ASB16: variants seen among roughly 807,000 people sequenced by gnomAD.
ASB16 encodes ankyrin repeat and SOCS box protein 16.
Under a neutral mutation model 39.1 loss-of-function variants are expected in ASB16, and 44 were observed. The ratio of observed to expected loss-of-function variants is 1.13; its 90% CI spans 0.88 to 1.45. ASB16 has a LOEUF of 1.45. Among genes scored for constraint, ASB16 ranks in the 40% most tolerant of loss-of-function variants. The pLI is 0.00. For missense variants in ASB16, 698 were observed against 634.5 expected (o/e 1.10, Z -1.07); for synonymous variants, 305 against 286.7 (o/e 1.06, Z -0.64).
chr17:44,172,065 C>T lies in ASB16; in HGVS notation c.321C>T (p.Pro107=), dbSNP rs771519704. 6.2e-7 allele frequency: 1 copy of T among 1,612,336 alleles called. No homozygotes were observed. The highest frequency in any genetic ancestry group is 1.1e-5 in the South Asian group (1 of 91,052). The stretch of plus-strand genomic sequence containing the variant: ...CCCTAGGGTTCTGGGTGCTGACCCC[C>T]AAGACCAAGCAGACGGCACCCCTCG... ...SAEQGFWVLT[P]KTKQTAPLAI... Residue 107 remains proline, a synonymous_variant, in exon 2 of 5, where the codon CCC becomes CCT. Transcript: ENST00000293414.
In ASB16 at chr17:44,178,387, G is replaced by A; in HGVS notation, c.1359G>A (p.Gln453=). 1 of 1,593,100 alleles carries A rather than the reference G, an allele frequency of 6.3e-7. No homozygotes were observed. The highest frequency in any genetic ancestry group is 8.6e-7 in the Non-Finnish European group (1 of 1,167,890). Residue 453 remains glutamine (Q), a synonymous_variant, in exon 5 of 5, where the codon CAG becomes CAA. Transcript: ENST00000293414. ...YLLLRVEGCI[Q] is the part of the protein sequence containing the mutation. ...TGCTGCGTGTGGAGGGGTGCATCCA[G>A]TGAACCCCATGTCAGGCTGTCCCAT... is the stretch of plus-strand genomic sequence containing the variant.
rs150509579 is a variant in ASB16, at chr17:44,172,090, G to A, written c.346G>A (p.Ala116Thr). The A allele has an allele frequency of 4.3e-5, 69 of 1,611,574 alleles. No homozygotes were observed. Among genetic ancestry groups the A allele is most frequent in the South Asian group, 1.9e-4 (17 of 91,042 alleles). Residue 116 changes from alanine (A) to threonine (T), a missense_variant, in exon 2 of 5, where the codon GCC becomes ACC. Transcript: ENST00000293414. ...TPKTKQTAPL[A>T]IATARGYTDC... The stretch of plus-strand genomic sequence containing the variant: ...CAAGACCAAGCAGACGGCACCCCTC[G>A]CCATCGCTACAGCCCGAGGCTACAC...
intron 2 of ASB16, among the ~76,000 whole-genome samples, chr17:44,175,064 T>C (rs1435163006): frequency 6.9e-6 from 1 of 144,948 alleles, no homozygotes; most frequent in Non-Finnish European, 1.5e-5. Flanking sequence ...ATGGAGCTAC[T>C]GCACTCCAGC....
chr17:44,178,716 G>A lies in ASB16; in HGVS notation c.*326G>A, dbSNP rs2054336777. ...CACACTGACCTCAGGTGATCCACCC[G>A]CCTTGGCCTCCCAAAGTGTTGGGAT... is the stretch of plus-strand genomic sequence containing the variant. On this transcript the variant is annotated 3_prime_UTR_variant, in exon 5 of 5. Coordinates refer to ENST00000293414, the MANE Select transcript of ASB16 (RefSeq NM_080863.5). 2 of 325,700 alleles carry A rather than the reference G, an allele frequency of 6.1e-6. No individual in the cohort carries two copies. Among genetic ancestry groups the A allele is most frequent in the South Asian group, 6.4e-5 (2 of 31,010 alleles). 20.2% of individuals were successfully genotyped at this position (325,700 alleles called of 1,614,324 possible).
rs536007274 is a variant in ASB16, at chr17:44,178,728, C to T, written c.*338C>T. On this transcript the variant is annotated 3_prime_UTR_variant, in exon 5 of 5. Transcript: ENST00000293414. ...AGGTGATCCACCCGCCTTGGCCTCCCAAAGTGTTGGGATTACAGGCATGAG... is the reference window on the plus strand; with the variant it reads ...AGGTGATCCACCCGCCTTGGCCTCCTAAAGTGTTGGGATTACAGGCATGAG... 1.3e-3 allele frequency: 413 copies of T among 312,218 alleles called. 6 individuals carry two copies. The highest frequency in any genetic ancestry group is 8.0e-3 in the African/African-American group (363 of 45,412). 19.3% of individuals were successfully genotyped at this position (312,218 alleles called of 1,614,324 possible).
At chr17:44,175,399 C>CT in intron 2 of ASB16, among the ~76,000 whole-genome samples, 1 of 53,840 alleles carries the variant, frequency 1.9e-5, no homozygotes, top group South Asian at 6.3e-4. Context: ...GAGACTCCAT[C>CT]TAAAAAAAAA....
At chr17:44,175,459 C>T (rs1047026063) in intron 2 of ASB16, among the ~76,000 whole-genome samples, 4 of 137,504 alleles carry the variant, frequency 2.9e-5, no homozygotes, top group African/African-American at 1.1e-4. Flanking sequence ...ATTAGCCCCA[C>T]AATTAGAATT....
intron 2 of ASB16, among the ~76,000 whole-genome samples, chr17:44,172,660 C>G (rs990832018): frequency 2.6e-5 from 4 of 151,960 alleles, no homozygotes; most frequent in Non-Finnish European, 5.9e-5. Context: ...AAGTCTTGCT[C>G]TGTTGCCCAG....
chr17:44,178,080 G>A, intron 4 of ASB16, 125 bp from the exon 5 acceptor site: 1 of 991,186 alleles, frequency 1.0e-6, no homozygotes, highest in East Asian at 2.5e-5. Context: ...TTCTGAATCT[G>A]AGTCCTTTGA....
At chr17:44,173,674 A>G (rs1325713699) in intron 2 of ASB16, among the ~76,000 whole-genome samples, 1 of 151,894 alleles carries the variant, frequency 6.6e-6, no homozygotes, top group African/African-American at 2.4e-5. Flanking sequence ...CAAAAAATAA[A>G]ATTAGCCGGG....
chr17:44,174,786 C>T (rs943369420), intron 2 of ASB16, among the ~76,000 whole-genome samples: 5 of 152,118 alleles, frequency 3.3e-5, no homozygotes, highest in Admixed American at 6.5e-5. Flanking sequence ...CCCTACTGAG[C>T]GAGCTTTGGA....
At chr17:44,177,769 G>C (rs752404314) in intron 4 of ASB16, 47 bp downstream of exon 4, 3 of 1,601,444 alleles carry the variant, frequency 1.9e-6, no homozygotes, top group African/African-American at 1.3e-5. Flanking sequence ...CGAGCCACAG[G>C]CCTATTCCTT....
chr17:44,172,592 A>C (rs1461246197), intron 2 of ASB16, among the ~76,000 whole-genome samples: 2 of 152,060 alleles, frequency 1.3e-5, no homozygotes, highest in African/African-American at 4.8e-5. Flanking sequence ...TGCAGTCTCC[A>C]ATACCCTGTG....
rs775918008 is a variant in ASB16, at chr17:44,170,926, G to A, written c.137G>A (p.Arg46Gln). 89 of 1,612,976 alleles carry A rather than the reference G, an allele frequency of 5.5e-5. No homozygotes were observed. Among genetic ancestry groups the A allele is most frequent in the Non-Finnish European group, 7.0e-5 (83 of 1,179,886 alleles). Reference sequence around the variant, plus strand: ...AGCCGCAGGTGCCCGTCAAGTCCCCGGGCCCGACTCACTAGGCCTCACCGT... The same window carrying A: ...AGCCGCAGGTGCCCGTCAAGTCCCCAGGCCCGACTCACTAGGCCTCACCGT... ...CRSRRCPSSP[R>Q]ARLTRPHRSC... Residue 46 changes from arginine to glutamine, a missense_variant, in exon 1 of 5, where the codon CGG (arginine) becomes CAG (glutamine). Physicochemically the swap from Arg to Gln is conservative, Grantham distance 43. Coordinates refer to ENST00000293414, the MANE Select transcript of ASB16 (RefSeq NM_080863.5).
In ASB16 at chr17:44,172,263, TGAG is replaced by T; in HGVS notation, c.524_526del (p.Glu175del). On this transcript the variant is annotated inframe_deletion, in exon 2 of 5. Coordinates refer to ENST00000293414, the MANE Select transcript of ASB16 (RefSeq NM_080863.5). Reference sequence around the variant, plus strand: ...TCGGAGCCAAGGCTAATGTGCTGACTGAGGAGGGCACGACTCCTTTGCACCTCT... The same window carrying T: ...TCGGAGCCAAGGCTAATGTGCTGACTGAGGGCACGACTCCTTTGCACCTCT... 1 of 1,613,768 alleles carries T rather than the reference TGAG, an allele frequency of 6.2e-7. No individual in the cohort carries two copies.
intron 4 of ASB16, 159 bp from the exon 5 acceptor site, chr17:44,178,046 A>G: frequency 1.3e-6 from 1 of 769,518 alleles, no homozygotes; most frequent in East Asian, 2.7e-5. Flanking sequence ...CCCAGCCCGC[A>G]TTATCACTGC....
At chr17:44,177,400 C>T in intron 3 of ASB16, 170 bp downstream of exon 3, 1 of 1,191,186 alleles carries the variant, frequency 8.4e-7, no homozygotes, top group South Asian at 1.6e-5. Context: ...GAGAGAGAGT[C>T]CAAGGGAGGG....
At chr17:44,176,510 C>A in intron 2 of ASB16, 3 of 667,582 alleles carry the variant, frequency 4.5e-6, no homozygotes, top group Non-Finnish European at 7.9e-6. Context: ...CTTGGCTGCA[C>A]AAATCACTCC....
Position 44,176,991 on chromosome 17 carries a change from G to A in ASB16, c.823G>A (p.Ala275Thr), listed in dbSNP as rs1439130586. The change falls in exon 3 of 5, where the codon GCT (alanine) becomes ACT (threonine). Residue 275 changes from alanine (A) to threonine (T), a missense_variant. Coordinates refer to ENST00000293414, the MANE Select transcript of ASB16 (RefSeq NM_080863.5). ...GGCGCGCCGGCTCCTGGAGGCTGGA[G>A]CTGATGCCCGGGCGGCCGGGCGCAA... ...AAARRLLEAG[A>T]DARAAGRKRH... 1.8e-5 allele frequency: 27 copies of A among 1,491,024 alleles called. No homozygotes were observed. Among genetic ancestry groups the A allele is most frequent in the African/African-American group, 2.9e-5 (2 of 67,946 alleles). 92.4% of individuals were successfully genotyped at this position (1,491,024 alleles called of 1,614,324 possible). A position where few individuals can be genotyped will look rare whatever the true frequency, so the allele number is the denominator to read the frequency against.
Sources: gnomAD v4.1 joint callset for allele counts (sites outside exome capture counted in the v4.1 genomes callset) on GRCh38, gnomAD v4.1.1 for gene constraint, MANE v1.5 for transcripts, NCBI Gene and HGNC (gene_info 2026-07-23, HGNC 2026-07-21) for gene names.